The following GALNT17 variants were observed in gnomAD, a reference collection of about 807,000 sequenced individuals.
GALNT17 encodes UDP-GalNAc:polypeptide N-acetylgalactosaminyltransferase-like 3.
Under a neutral mutation model 63.7 loss-of-function variants are expected in GALNT17, and 29 were observed. The observed-to-expected ratio is 0.46, with a 90% CI of 0.34 to 0.62. The LOEUF is 0.62. Ranked by LOEUF, GALNT17 falls within the 20% of genes least tolerant of loss-of-function variation. The pLI, the probability that GALNT17 is intolerant of heterozygous loss-of-function variation, is 0.01. For synonymous variants in GALNT17, 305 were observed against 318.3 expected (o/e 0.96, Z 0.45); for missense variants, 603 against 799.6 (o/e 0.75, Z 2.97).
At chr7:71,542,674 C>T (rs752969262) in intron 5 of GALNT17, among the ~76,000 whole-genome samples, 6 of 125,882 alleles carry the variant, frequency 4.8e-5, no homozygotes, top group South Asian at 2.4e-4. Context: ...CCAGCCTGAG[C>T]GACAGAGTGA....
At chr7:71,380,697 G>A (rs1008255514) in intron 2 of GALNT17, among the ~76,000 whole-genome samples, 1 of 152,140 alleles carries the variant, frequency 6.6e-6, no homozygotes, top group Admixed American at 6.5e-5. Context: ...GAGAGAGAGT[G>A]ATGGACGAGG....
chr7:71,555,151 T>C (rs1007515603), intron 5 of GALNT17, among the ~76,000 whole-genome samples: 1 of 152,076 alleles, frequency 6.6e-6, no homozygotes, highest in Non-Finnish European at 1.5e-5. Flanking sequence ...CACCAAACCA[T>C]TCATGAGGGG....
chr7:71,377,105 AATAAAAAAAATATAT>A (rs1563047459), intron 2 of GALNT17, among the ~76,000 whole-genome samples: 13 of 64,714 alleles, frequency 2.0e-4, no homozygotes, highest in African/African-American at 5.7e-4. Flanking sequence ...AAAAAATAAA[AATAAAAAAAATATAT>A]ATATATATAT....
intron 2 of GALNT17, among the ~76,000 whole-genome samples, chr7:71,376,481 T>C (rs530783455): frequency 7.1e-6 from 1 of 140,110 alleles, no homozygotes; most frequent in East Asian, 2.4e-4. Flanking sequence ...CAAGATAAGC[T>C]GTATTATACT....
intron 9 of GALNT17, among the ~76,000 whole-genome samples, chr7:71,682,299 T>A (rs1791279252): frequency 6.8e-6 from 1 of 146,680 alleles, no homozygotes; most frequent in Non-Finnish European, 1.5e-5. Flanking sequence ...AAGGCGGCAG[T>A]GTCTGCCTTC....
intron 3 of GALNT17, among the ~76,000 whole-genome samples, chr7:71,409,484 A>G (rs747652268): frequency 2.6e-5 from 4 of 152,210 alleles, no homozygotes; most frequent in South Asian, 2.1e-4. Flanking sequence ...CTGAATCTCC[A>G]TACTCTGAAG....
intron 5 of GALNT17, among the ~76,000 whole-genome samples, chr7:71,560,908 G>A (rs944906646): frequency 1.3e-5 from 2 of 152,236 alleles, no homozygotes; most frequent in African/African-American, 4.8e-5. Context: ...TACAACCAAA[G>A]AAGGGCAACA....
chr7:71,453,590 G>A (rs534643406), intron 5 of GALNT17, among the ~76,000 whole-genome samples: 3 of 152,238 alleles, frequency 2.0e-5, no homozygotes, highest in Admixed American at 6.5e-5. Flanking sequence ...CCCACAACAC[G>A]TGGGAATTAT....
intron 2 of GALNT17, among the ~76,000 whole-genome samples, chr7:71,350,556 A>G (rs955217290): frequency 3.3e-5 from 5 of 152,216 alleles, no homozygotes; most frequent in Non-Finnish European, 7.3e-5. Flanking sequence ...AAATAAAAAA[A>G]CACTACAGTA....
At chr7:71,626,337 C>A (rs1212985984) in intron 6 of GALNT17, among the ~76,000 whole-genome samples, 2 of 152,102 alleles carry the variant, frequency 1.3e-5, no homozygotes, top group African/African-American at 4.8e-5. Context: ...GGAGAGATGC[C>A]TCAGATGTAA....
intron 1 of GALNT17, among the ~76,000 whole-genome samples, chr7:71,176,803 C>T (rs953345196): frequency 2.6e-5 from 4 of 152,074 alleles, no homozygotes; most frequent in African/African-American, 2.4e-5. Context: ...TGCTTCCCTC[C>T]GTGGAGCTGG....
chr7:71,503,489 G>T (rs1174827720), intron 5 of GALNT17, among the ~76,000 whole-genome samples: 1 of 151,994 alleles, frequency 6.6e-6, no homozygotes, highest in Non-Finnish European at 1.5e-5. Flanking sequence ...TGCCCACCCC[G>T]GCCTCCCAAA....
rs568399321 is a variant in GALNT17, at chr7:71,152,399, C to G, written c.238+19359C>G. Among the ~76,000 whole-genome samples, 10 of 152,228 alleles carry G rather than the reference C, an allele frequency of 6.6e-5. No individual in the cohort carries two copies. In the East Asian group the frequency reaches 1.7e-3, roughly 27 times the overall value. ...AGAAAGGGTCTTGTATATGCAGACC[C>G]AAGGGGCGGAGTAGACTGGTCTAAT... On this transcript the variant is annotated intron_variant, in intron 1 of 10. Transcript: ENST00000333538.
chr7:71,617,778 G>T (rs999760519), intron 6 of GALNT17, among the ~76,000 whole-genome samples: 3 of 151,986 alleles, frequency 2.0e-5, no homozygotes, highest in Non-Finnish European at 2.9e-5. Context: ...GAATAGGTGG[G>T]ACTACAGGTA....
At chr7:71,637,207 G>T (rs796769462) in intron 6 of GALNT17, among the ~76,000 whole-genome samples, 48 of 152,130 alleles carry the variant, frequency 3.2e-4, no homozygotes, top group African/African-American at 1.1e-3. Flanking sequence ...TTATTTTTGA[G>T]ACAGAGTCTT....
At chr7:71,201,239 T>TATATCTATATATATATATATATATATATA (rs1554338078) in intron 1 of GALNT17, among the ~76,000 whole-genome samples, 20 of 101,630 alleles carry the variant, frequency 2.0e-4, no homozygotes, top group African/African-American at 7.6e-4. Flanking sequence ...GTGTGTTTAT[T>TATATCTATATATATATATATATATATATA]TTTATATATA....
At chr7:71,488,774 G>T (rs1409206967) in intron 5 of GALNT17, among the ~76,000 whole-genome samples, 1 of 148,776 alleles carries the variant, frequency 6.7e-6, no homozygotes, top group Non-Finnish European at 1.5e-5. Context: ...TAGAGACGGG[G>T]TTTCACTATG....
At chr7:71,296,033 GA>G (rs1030327438) in intron 1 of GALNT17, among the ~76,000 whole-genome samples, 1 of 151,598 alleles carries the variant, frequency 6.6e-6, no homozygotes, top group African/African-American at 2.4e-5. Flanking sequence ...ATTTTTATAT[GA>G]GTTGTTTTAA....
At position 71,486,541 on chromosome 7, in the gene GALNT17, C is replaced by T. The variant is rs560183358; in HGVS notation, c.962+65436C>T. On this transcript the variant is annotated intron_variant, in intron 5 of 10. Coordinates refer to ENST00000333538, the MANE Select transcript of GALNT17 (RefSeq NM_022479.3). ...TTGGTGCTCCACAGTGCTGTAGGGG[C>T]GCTGTGACACATGCCGAAGAGCCTC... Among the ~76,000 whole-genome samples the T allele has an allele frequency of 1.2e-3, 186 of 151,710 alleles. 2 individuals are homozygous for T. The highest frequency in any genetic ancestry group is 4.2e-3 in the African/African-American group (174 of 41,368).
Sources: allele counts gnomAD v4.1 joint callset (sites outside exome capture counted in the v4.1 genomes callset), GRCh38; gene constraint gnomAD v4.1.1; transcripts MANE v1.5; gene names NCBI Gene and HGNC (gene_info 2026-07-23, HGNC 2026-07-21).